FAM83B: variants seen among roughly 807,000 people sequenced by gnomAD.
FAM83B encodes scaffolding CK1 anchoring protein B.
Under a neutral mutation model 38.8 loss-of-function variants are expected in FAM83B, and 26 were observed. That is an observed-to-expected ratio of 0.67 (90% CI 0.49 to 0.93). FAM83B has a LOEUF of 0.93. FAM83B is among the 40% of genes least tolerant of loss of function. The pLI, the probability that FAM83B is intolerant of heterozygous loss-of-function variation, is 0.00. For synonymous variants in FAM83B, 419 were observed against 423.1 expected (o/e 0.99, Z 0.12); for missense variants, 1,237 against 1,197.3 (o/e 1.03, Z -0.49).
chr6:54,923,874 T>A (rs1773224934), intron 2 of FAM83B, among the ~76,000 whole-genome samples: 1 of 151,698 alleles, frequency 6.6e-6, no homozygotes, highest in African/African-American at 2.4e-5. Flanking sequence ...TTCTTTTTTT[T>A]TTTTTAACTT....
chr6:54,880,771 A>G (rs1772116750), intron 2 of FAM83B, among the ~76,000 whole-genome samples: 1 of 152,124 alleles, frequency 6.6e-6, no homozygotes, highest in Non-Finnish European at 1.5e-5. Flanking sequence ...ATTAGGGTAC[A>G]TACATTCCTT....
intron 2 of FAM83B, among the ~76,000 whole-genome samples, chr6:54,924,357 C>T (rs1331520319): frequency 6.6e-6 from 1 of 151,582 alleles, no homozygotes; most frequent in Non-Finnish European, 1.5e-5. Context: ...TGATTCAGCT[C>T]TACCCCCAAC....
rs1773674582 is a variant in FAM83B at position 54,941,070 on chromosome 6, A to G, written c.2099A>G (p.Lys700Arg). 6.2e-7 allele frequency: 1 copy of G among 1,613,492 alleles called. No individual in the cohort carries two copies. The change falls in exon 5 of 5, where the codon AAA (lysine) becomes AGA (arginine). Residue 700 changes from lysine to arginine, a missense_variant. Transcript: ENST00000306858. ...RNRVRQPEKP[K>R]EDLLKSSKSM... is the part of the protein sequence containing the mutation. ...CGAGTTAGACAACCAGAAAAGCCCA[A>G]AGAAGATTTGCTGAAAAGTTCTAAA... is the stretch of plus-strand genomic sequence containing the variant.
chr6:54,895,979 C>T (rs1007168105), intron 2 of FAM83B, among the ~76,000 whole-genome samples: 2 of 152,130 alleles, frequency 1.3e-5, no homozygotes, highest in African/African-American at 4.8e-5. Flanking sequence ...TCCACCTCTG[C>T]CTCCTGGGTT....
At chr6:54,927,022 C>T (rs1373930711) in intron 3 of FAM83B, among the ~76,000 whole-genome samples, 3 of 152,112 alleles carry the variant, frequency 2.0e-5, no homozygotes, top group African/African-American at 4.8e-5. Flanking sequence ...TGTGAGCCAC[C>T]GTGCCCGGCC....
chr6:54,892,002 G>T (rs1177267978), intron 2 of FAM83B, among the ~76,000 whole-genome samples: 1 of 151,980 alleles, frequency 6.6e-6, no homozygotes, highest in Non-Finnish European at 1.5e-5. Flanking sequence ...TCCTTCTAAT[G>T]CTCTCCATTG....
At chr6:54,871,216 A>T (rs1473325846) in intron 2 of FAM83B, among the ~76,000 whole-genome samples, 1 of 152,180 alleles carries the variant, frequency 6.6e-6, no homozygotes, top group South Asian at 2.1e-4. Flanking sequence ...AGATTCTGAG[A>T]TATTTAGCAT....
At chr6:54,878,504 C>T (rs533048399) in intron 2 of FAM83B, among the ~76,000 whole-genome samples, 1 of 152,094 alleles carries the variant, frequency 6.6e-6, no homozygotes, top group South Asian at 2.1e-4. Context: ...ACATTTCAGC[C>T]AAGATTTGAG....
chr6:54,874,393 T>C (rs1561910193), intron 2 of FAM83B, among the ~76,000 whole-genome samples: 1 of 152,292 alleles, frequency 6.6e-6, no homozygotes, highest in East Asian at 1.9e-4. Context: ...CTGATTCTTT[T>C]TTTGAAACCC....
At chr6:54,927,383 GT>G (rs147505952) in intron 3 of FAM83B, 124 bp from the exon 4 acceptor site, 68,568 of 607,240 alleles carry the variant, frequency 0.11, 3,917 homozygotes, top group African/African-American at 0.22. Context: ...ATATTTGGGA[GT>G]TTTTTTTTTA....
At chr6:54,874,372 A>G (rs1050735168) in intron 2 of FAM83B, among the ~76,000 whole-genome samples, 2 of 152,146 alleles carry the variant, frequency 1.3e-5, no homozygotes, top group Non-Finnish European at 2.9e-5. Context: ...AAAGGGACAT[A>G]TTTTAATTTA....
Position 54,926,352 on chromosome 6 carries a change from A to G in FAM83B, c.445-19A>G, listed in dbSNP as rs776734929. 1.1e-5 allele frequency: 16 copies of G among 1,488,766 alleles called. No individual in the cohort carries two copies. The highest frequency in any genetic ancestry group is 1.5e-5 in the Non-Finnish European group (16 of 1,098,478). 92.2% of individuals were successfully genotyped at this position (1,488,766 alleles called of 1,614,324 possible). On this transcript the variant is annotated intron_variant, in intron 2 of 4. Transcript: ENST00000306858. ...TCTATCAAGGATCTAAAATTGTTTC[A>G]TATTCTTATATTTAACAGGTCATTG... is the stretch of plus-strand genomic sequence containing the variant.
Position 54,941,190 on chromosome 6 carries a change from T to C in FAM83B, c.2219T>C (p.Ile740Thr), listed in dbSNP as rs1424552657. The C allele has an allele frequency of 1.2e-6, 2 of 1,614,040 alleles. No individual in the cohort carries two copies. Among genetic ancestry groups the C allele is most frequent in the Non-Finnish European group, 8.5e-7 (1 of 1,179,978 alleles). ...PSGTTTKSVS[I>T]AALLDVNKEE... is the part of the protein sequence containing the mutation. ...GGCACTACTACCAAATCAGTTTCCA[T>C]TGCTGCTTTACTTGATGTGAATAAA... The change falls in exon 5 of 5, where the codon ATT becomes ACT. Residue 740 changes from isoleucine (I) to threonine (T), a missense_variant. By Grantham distance (89) the Ile-to-Thr change is moderately conservative. Transcript: ENST00000306858.
intron 1 of FAM83B, among the ~76,000 whole-genome samples, chr6:54,851,647 GT>G (rs577598548): frequency 7.0e-4 from 61 of 86,968 alleles, no homozygotes; most frequent in East Asian, 5.4e-3. Context: ...TAATTTTTGT[GT>G]TTTTTTTTTT....
At chr6:54,928,421 G>A (rs998665596) in intron 4 of FAM83B, among the ~76,000 whole-genome samples, 41 of 152,114 alleles carry the variant, frequency 2.7e-4, no homozygotes, top group Non-Finnish European at 2.6e-4. Flanking sequence ...AGTTTGCTCC[G>A]CTATAAAATA....
intron 1 of FAM83B, among the ~76,000 whole-genome samples, chr6:54,850,989 G>T (rs188267043): frequency 2.5e-4 from 33 of 131,350 alleles, no homozygotes; most frequent in African/African-American, 9.4e-4. Flanking sequence ...CTGCACTCCA[G>T]CCTGGGTGAC....
At chr6:54,904,270 A>G (rs1422371484) in intron 2 of FAM83B, among the ~76,000 whole-genome samples, 1 of 152,202 alleles carries the variant, frequency 6.6e-6, no homozygotes, top group African/African-American at 2.4e-5. Context: ...GCTGATATGT[A>G]GGCAGTTATC....
At position 54,856,698 on chromosome 6, in the gene FAM83B, A is replaced by G. The variant is rs188129125; in HGVS notation, c.-61+9872A>G. Among the ~76,000 whole-genome samples, 35 of 152,360 alleles carry G rather than the reference A, an allele frequency of 2.3e-4. No homozygotes were observed. In the East Asian group the frequency reaches 6.6e-3, roughly 29 times the overall value. On this transcript the variant is annotated intron_variant, in intron 1 of 4. Transcript: ENST00000306858. ...ACAAAAAGTCGAACTAGAGTGGGCT[A>G]GTTTTCTGATCAGATTTGTTGGCAG... is the stretch of plus-strand genomic sequence containing the variant.
At position 54,941,811 on chromosome 6, in the gene FAM83B, T is replaced by C; in HGVS notation, c.2840T>C (p.Ile947Thr). The C allele has an allele frequency of 6.2e-7, 1 of 1,614,066 alleles. No homozygotes were observed. Among genetic ancestry groups the C allele is most frequent in the Non-Finnish European group, 8.5e-7 (1 of 1,179,990 alleles). Reference sequence around the variant, plus strand: ...CCGTTTTGTAAGATTGAGAGCTCTATTCAGCCAACAAGCAACATGCCAAAT... The same window carrying C: ...CCGTTTTGTAAGATTGAGAGCTCTACTCAGCCAACAAGCAACATGCCAAAT... ...FEPFCKIESS[I>T]QPTSNMPNTS... The change falls in exon 5 of 5, where the codon ATT (isoleucine) becomes ACT (threonine). Residue 947 changes from isoleucine to threonine, a missense_variant. Transcript: ENST00000306858.
Sources: allele counts gnomAD v4.1 joint callset (sites outside exome capture counted in the v4.1 genomes callset), GRCh38; gene constraint gnomAD v4.1.1; transcripts MANE v1.5; gene names NCBI Gene and HGNC (gene_info 2026-07-23, HGNC 2026-07-21).